SS18: variants seen among roughly 807,000 people sequenced by gnomAD.
The protein encoded by SS18 is SS18 subunit of BAF chromatin remodeling complex, also known as protein SSXT.
In SS18, 28 loss-of-function variants were observed where a neutral mutation model predicts 72.5. The ratio of observed to expected loss-of-function variants is 0.39; its 90% CI spans 0.29 to 0.53. The LOEUF is 0.53. SS18 is among the 20% of genes least tolerant of loss of function. The pLI is 0.76. For missense variants in SS18, 518 were observed against 535.3 expected, an observed-to-expected ratio of 0.97 and a Z score of 0.32; for synonymous variants, 172 against 164.2, an observed-to-expected ratio of 1.05 and a Z score of -0.37.
chr18:26,082,848 C>G (rs2054550136), intron 2 of SS18, among the ~76,000 whole-genome samples: 1 of 152,054 alleles, frequency 6.6e-6, no homozygotes, highest in Admixed American at 6.6e-5. Flanking sequence ...TTTGCACATA[C>G]TGCTTTCATA....
At chr18:26,084,021 C>T (rs2054574512) in intron 2 of SS18, 1 of 151,874 alleles carries the variant, frequency 6.6e-6, no homozygotes, top group Non-Finnish European at 1.5e-5. Flanking sequence ...AAAAAAAGAA[C>T]CAGGGCTTGG....
At chr18:26,039,552 A>C in intron 5 of SS18, 96 bp from the exon 6 acceptor site, 1 of 1,125,306 alleles carries the variant, frequency 8.9e-7, no homozygotes, top group Non-Finnish European at 1.2e-6. Flanking sequence ...AGTCCCAAAA[A>C]TATATAATTA....
At chr18:26,064,275 A>G (rs920574993) in intron 3 of SS18, among the ~76,000 whole-genome samples, 10 of 152,158 alleles carry the variant, frequency 6.6e-5, no homozygotes, top group Admixed American at 6.5e-4. Flanking sequence ...AACAAAAAGA[A>G]GGGCATCAGT....
In SS18 at chr18:26,085,264, C is replaced by T. The variant is rs79106224; in HGVS notation, c.146+2237G>A. Among the ~76,000 whole-genome samples the T allele has an allele frequency of 3.3e-5, 5 of 152,184 alleles. No homozygotes were observed. In the East Asian group the frequency reaches 5.8e-4, roughly 18 times the overall value. On this transcript the variant is annotated intron_variant, in intron 2 of 10. Coordinates refer to ENST00000415083, the MANE Select transcript of SS18 (RefSeq NM_001007559.3). The stretch of plus-strand genomic sequence containing the variant: ...GCCCAGGCTGTTCTCAAACTCATGT[C>T]GTCAAAGCAATCCTCCCACCTCAGC...
chr18:26,079,026 A>C (rs1198158055), intron 2 of SS18: 1 of 152,200 alleles, frequency 6.6e-6, no homozygotes, highest in Non-Finnish European at 1.5e-5. Context: ...TTTCCTTTTC[A>C]CTACTGTAGC....
At chr18:26,082,952 T>C (rs1379844832) in intron 2 of SS18, among the ~76,000 whole-genome samples, 1 of 152,230 alleles carries the variant, frequency 6.6e-6, no homozygotes, top group Non-Finnish European at 1.5e-5. Flanking sequence ...GGAGTATCAA[T>C]TCCCAGATGG....
intron 1 of SS18, among the ~76,000 whole-genome samples, chr18:26,089,267 G>T (rs532413333): frequency 6.6e-6 from 1 of 152,228 alleles, no homozygotes; most frequent in South Asian, 2.1e-4. Flanking sequence ...AAATAAAAAA[G>T]GTGAGCCCTC....
chr18:26,035,716 G>T lies in SS18; in HGVS notation c.973+115C>A. ...TGGGCTCCCTGCAACTTTCAAGAAAGCCAGCAACTAGTATTCTACAAGAGC... is the reference window on the plus strand; with the variant it reads ...TGGGCTCCCTGCAACTTTCAAGAAATCCAGCAACTAGTATTCTACAAGAGC... On this transcript the variant is annotated intron_variant, in intron 8 of 10. Transcript: ENST00000415083. This position sits in a 1 kb window ranked among gnomAD's most constrained non-coding sequence, Gnocchi z 4.4. The T allele has an allele frequency of 1.8e-6, 1 of 551,950 alleles. No individual in the cohort carries two copies. Among genetic ancestry groups the T allele is most frequent in the Non-Finnish European group, 3.0e-6 (1 of 338,458 alleles). 34.2% of individuals were successfully genotyped at this position (551,950 alleles called of 1,614,324 possible). A position where few individuals can be genotyped will look rare whatever the true frequency, so the allele number is the denominator to read the frequency against.
intron 9 of SS18, 113 bp downstream of exon 9, chr18:26,034,892 C>G (rs758166198): frequency 2.9e-6 from 4 of 1,367,356 alleles, no homozygotes; most frequent in Non-Finnish European, 3.9e-6. Flanking sequence ...TAGTCTAAAA[C>G]TGAATTTTCA....
chr18:26,085,573 T>C (rs1431178013), intron 2 of SS18, among the ~76,000 whole-genome samples: 1 of 152,006 alleles, frequency 6.6e-6, no homozygotes, highest in African/African-American at 2.4e-5. Context: ...AACAACAATA[T>C]CTATAAACGT....
rs368918165 is a variant in SS18, at chr18:26,053,768, C to T, written c.386-923G>A. Reference sequence around the variant, plus strand: ...TAAAACTATGAGACCGAACTTTCACCTCTCAGATTCTCAAAAATCAAAAGT... The same window carrying T: ...TAAAACTATGAGACCGAACTTTCACTTCTCAGATTCTCAAAAATCAAAAGT... On this transcript the variant is annotated intron_variant, in intron 4 of 10. Transcript: ENST00000415083. Among the ~76,000 whole-genome samples the T allele has an allele frequency of 7.4e-4, 112 of 152,232 alleles. 1 individual carries two copies. In the South Asian group the frequency reaches 0.021, roughly 29 times the overall value.
rs560768184 is a variant in SS18 at position 26,039,039 on chromosome 18, A to G, written c.775+250T>C. ...TATAACTTTTCAAAAACAAAACAGTATTTTCTGCTGTGAATTAGTGAGCTT... is the reference window on the plus strand; with the variant it reads ...TATAACTTTTCAAAAACAAAACAGTGTTTTCTGCTGTGAATTAGTGAGCTT... On this transcript the variant is annotated intron_variant, in intron 6 of 10. Transcript: ENST00000415083. Among the ~76,000 whole-genome samples, 4 of 152,184 alleles carry G rather than the reference A, an allele frequency of 2.6e-5. No homozygotes were observed. In the South Asian group the frequency reaches 8.3e-4, roughly 32 times the overall value.
intron 5 of SS18, among the ~76,000 whole-genome samples, chr18:26,048,049 CCTGA>C (rs1387885432): frequency 2.6e-5 from 4 of 152,108 alleles, no homozygotes; most frequent in Non-Finnish European, 4.4e-5. Context: ...AGTTATGCAA[CCTGA>C]CTAATAATTG....
intron 10 of SS18, among the ~76,000 whole-genome samples, chr18:26,030,735 T>C (rs1015909725): frequency 2.0e-5 from 3 of 151,494 alleles, no homozygotes; most frequent in Admixed American, 2.0e-4. Context: ...TGAAACTGGG[T>C]TGAGAAGTAA....
At chr18:26,046,786 C>A (rs1465541019) in intron 5 of SS18, among the ~76,000 whole-genome samples, 3 of 152,200 alleles carry the variant, frequency 2.0e-5, no homozygotes, top group South Asian at 2.1e-4. Context: ...GGAAGCAACA[C>A]AACAACAAGC....
chr18:26,058,096 T>G (rs2054056828), intron 3 of SS18, among the ~76,000 whole-genome samples: 1 of 152,180 alleles, frequency 6.6e-6, no homozygotes. Flanking sequence ...TAATGATGGA[T>G]TTTACCTAAA....
At chr18:26,049,332 AGAAAT>A (rs1326576599) in intron 5 of SS18, among the ~76,000 whole-genome samples, 27 of 152,352 alleles carry the variant, frequency 1.8e-4, no homozygotes, top group African/African-American at 3.8e-4. Flanking sequence ...TTTTTACTGA[AGAAAT>A]GAAAGAAATA....
chr18:26,043,714 TAAG>T (rs1379139378), intron 5 of SS18, among the ~76,000 whole-genome samples: 2 of 152,042 alleles, frequency 1.3e-5, no homozygotes, highest in African/African-American at 2.4e-5. Flanking sequence ...CAAGAGCAAG[TAAG>T]AAAATGTAGG....
At chr18:26,019,495 G>A (rs1431440387) in intron 10 of SS18, among the ~76,000 whole-genome samples, 2 of 151,964 alleles carry the variant, frequency 1.3e-5, no homozygotes, top group African/African-American at 4.8e-5. Flanking sequence ...ATATATGATG[G>A]AATAATGAAT....
Sources: gnomAD v4.1 joint callset for allele counts (sites outside exome capture counted in the v4.1 genomes callset) on GRCh38, gnomAD v4.1.1 for gene constraint, Gnocchi (gnomAD v3.1) non-coding constraint, MANE v1.5 for transcripts, NCBI Gene and HGNC (gene_info 2026-07-23, HGNC 2026-07-21) for gene names.